Variants in CNTNAP2 observed in about 807,000 individuals in gnomAD.
The protein encoded by CNTNAP2 is contactin associated protein 2.
In CNTNAP2, 98 loss-of-function variants were observed where a neutral mutation model predicts 155.2. That is an observed-to-expected ratio of 0.63 (90% CI 0.54 to 0.75). CNTNAP2 has a LOEUF of 0.75. Among genes scored for constraint, CNTNAP2 ranks in the 30% least tolerant of loss-of-function variants. The probability of loss-of-function intolerance (pLI) is 0.00; values close to 1 mark genes in which losing one functional copy is unlikely to be tolerated. For missense variants in CNTNAP2, 1,727 were observed against 1,688.1 expected, an observed-to-expected ratio of 1.02 and a Z score of -0.40; for synonymous variants, 651 against 631.2, an observed-to-expected ratio of 1.03 and a Z score of -0.47.
chr7:146,970,801 G>T (rs1797774474), intron 3 of CNTNAP2, among the ~76,000 whole-genome samples: 1 of 152,076 alleles, frequency 6.6e-6, no homozygotes, highest in African/African-American at 2.4e-5. Context: ...TCAAAGACTT[G>T]GAACCAACCC....
chr7:146,371,526 G>GC (rs1167295134), intron 1 of CNTNAP2, among the ~76,000 whole-genome samples: 1 of 151,636 alleles, frequency 6.6e-6, no homozygotes, highest in Non-Finnish European at 1.5e-5. Context: ...CCGCCACCGC[G>GC]CCAGCTAATT....
At chr7:146,192,158 C>A (rs1798715241) in intron 1 of CNTNAP2, among the ~76,000 whole-genome samples, 1 of 152,182 alleles carries the variant, frequency 6.6e-6, no homozygotes, top group Non-Finnish European at 1.5e-5. Flanking sequence ...ATCGCTTCAG[C>A]CGGTCCCTCC....
At chr7:147,380,505 A>C (rs1207513126) in intron 9 of CNTNAP2, among the ~76,000 whole-genome samples, 1 of 152,120 alleles carries the variant, frequency 6.6e-6, no homozygotes, top group Non-Finnish European at 1.5e-5. Context: ...AGAAAAGAAG[A>C]AGCAGGAGGA....
chr7:146,201,685 A>G (rs1026883940), intron 1 of CNTNAP2, among the ~76,000 whole-genome samples: 3 of 151,744 alleles, frequency 2.0e-5, no homozygotes, highest in Admixed American at 1.3e-4. Context: ...TGAATCAGAA[A>G]AAAATATTTA....
chr7:147,279,425 C>T (rs1361696124), intron 8 of CNTNAP2, among the ~76,000 whole-genome samples: 4 of 151,634 alleles, frequency 2.6e-5, no homozygotes, highest in Admixed American at 6.6e-5. Flanking sequence ...GGCGATGGGT[C>T]CCCATAGTTT....
At chr7:148,131,087 C>CTTTTTTTT (rs755587892) in intron 16 of CNTNAP2, among the ~76,000 whole-genome samples, 20 of 97,182 alleles carry the variant, frequency 2.1e-4, no homozygotes, top group South Asian at 3.5e-4. Flanking sequence ...TTTTCTTCTT[C>CTTTTTTTT]TTTTTTTTTT....
At chr7:146,838,907 A>C (rs1490129019) in intron 2 of CNTNAP2, among the ~76,000 whole-genome samples, 1 of 152,174 alleles carries the variant, frequency 6.6e-6, no homozygotes, top group Non-Finnish European at 1.5e-5. Flanking sequence ...GCCTCTTAGC[A>C]CTAACATTAT....
intron 9 of CNTNAP2, among the ~76,000 whole-genome samples, chr7:147,364,015 G>A (rs925317626): frequency 1.3e-5 from 2 of 152,094 alleles, no homozygotes; most frequent in Admixed American, 1.3e-4. Flanking sequence ...GAAGATCACT[G>A]AATAGAATAC....
chr7:146,714,119 A>G (rs1243239107), intron 1 of CNTNAP2, among the ~76,000 whole-genome samples: 1 of 152,100 alleles, frequency 6.6e-6, no homozygotes, highest in African/African-American at 2.4e-5. Flanking sequence ...CATCTCATAT[A>G]GAAACTCCAC....
intron 13 of CNTNAP2, among the ~76,000 whole-genome samples, chr7:147,807,342 A>T (rs1798108171): frequency 6.6e-6 from 1 of 150,548 alleles, no homozygotes; most frequent in African/African-American, 2.4e-5. Context: ...AAAAAAAAAA[A>T]AAACGAAAAC....
chr7:146,955,114 G>A (rs1277639675), intron 3 of CNTNAP2, among the ~76,000 whole-genome samples: 2 of 151,862 alleles, frequency 1.3e-5, no homozygotes, highest in East Asian at 3.8e-4. Context: ...ATATATTTAG[G>A]TACCCACTTG....
chr7:147,205,390 T>C (rs1221202757), intron 8 of CNTNAP2, among the ~76,000 whole-genome samples: 2 of 152,186 alleles, frequency 1.3e-5, no homozygotes, highest in Non-Finnish European at 2.9e-5. Context: ...TTTCTATTTC[T>C]GTGAAGAATG....
At chr7:146,234,328 ATTTG>A (rs1167155087) in intron 1 of CNTNAP2, among the ~76,000 whole-genome samples, 7 of 151,906 alleles carry the variant, frequency 4.6e-5, no homozygotes, top group African/African-American at 1.7e-4. Flanking sequence ...TTTCTTGTAA[ATTTG>A]TTTGAGTTCA....
At chr7:146,465,077 C>G (rs2129125545) in intron 1 of CNTNAP2, among the ~76,000 whole-genome samples, 1 of 152,044 alleles carries the variant, frequency 6.6e-6, no homozygotes, top group Admixed American at 6.6e-5. Context: ...GAAGCCCTGC[C>G]CATCACCGTA....
intron 3 of CNTNAP2, among the ~76,000 whole-genome samples, chr7:146,914,543 T>A (rs984599009): frequency 8.5e-5 from 13 of 152,176 alleles, no homozygotes; most frequent in Non-Finnish European, 1.9e-4. Context: ...ATTTCCCTGG[T>A]CATTAGTGAT....
At chr7:146,979,528 C>G (rs1797974684) in intron 3 of CNTNAP2, among the ~76,000 whole-genome samples, 1 of 152,156 alleles carries the variant, frequency 6.6e-6, no homozygotes, top group African/African-American at 2.4e-5. Flanking sequence ...TAAGGTTTCA[C>G]AGCCTTTGTG....
intron 8 of CNTNAP2, among the ~76,000 whole-genome samples, chr7:147,298,477 T>TA (rs772371560): frequency 5.9e-5 from 9 of 151,796 alleles, no homozygotes; most frequent in South Asian, 2.1e-4. Flanking sequence ...TTGAAAATCC[T>TA]AAAAAAAACC....
chr7:146,163,545 A>T (rs1393234354), intron 1 of CNTNAP2, among the ~76,000 whole-genome samples: 1 of 145,182 alleles, frequency 6.9e-6, no homozygotes, highest in Non-Finnish European at 1.5e-5. Context: ...ATCTATATCT[A>T]TATATCTATA....
At chr7:147,380,005 A>C (rs369087205) in intron 9 of CNTNAP2, among the ~76,000 whole-genome samples, 1 of 151,982 alleles carries the variant, frequency 6.6e-6, no homozygotes, top group Non-Finnish European at 1.5e-5. Context: ...TTTATTTAGC[A>C]TTTCTAGGTG....
Sources: gnomAD v4.1 joint callset for allele counts (sites outside exome capture counted in the v4.1 genomes callset) on GRCh38, gnomAD v4.1.1 for gene constraint, MANE v1.5 for transcripts, NCBI Gene and HGNC (gene_info 2026-07-23, HGNC 2026-07-21) for gene names.